The following RRAGD variants were observed in gnomAD, a reference collection of about 807,000 sequenced individuals.
RRAGD encodes the protein ras-related GTP-binding protein D.
A neutral mutation model predicts 35.5 loss-of-function variants in RRAGD; 12 were observed. The ratio of observed to expected loss-of-function variants is 0.34; its 90% CI spans 0.22 to 0.55. The LOEUF is 0.55. RRAGD is among the 20% of genes least tolerant of loss of function. The probability of loss-of-function intolerance (pLI) is 0.91; values close to 1 mark genes in which losing one functional copy is unlikely to be tolerated. For missense variants in RRAGD, 324 were observed against 490.1 expected (o/e 0.66, Z 3.20); for synonymous variants, 155 against 178.9 (o/e 0.87, Z 1.07).
intron 1 of RRAGD, among the ~76,000 whole-genome samples, chr6:89,395,966 T>G (rs1769323820): frequency 1.2e-5 from 1 of 82,202 alleles, no homozygotes; most frequent in African/African-American, 9.1e-5. Flanking sequence ...GACATCCATA[T>G]GCCAAAAAAA....
At chr6:89,398,217 T>C (rs1250790764) in intron 1 of RRAGD, among the ~76,000 whole-genome samples, 2 of 151,910 alleles carry the variant, frequency 1.3e-5, no homozygotes, top group Non-Finnish European at 2.9e-5. Context: ...GGAAGAAGTA[T>C]GGGAAAACGT....
rs896413839 is a variant in RRAGD, at chr6:89,367,368, A to C, written c.*688T>G. ...CTCTCTGTATAAAGTGATTATAGAG[A>C]TGTGTGTTGAGGTAAACAGCTTCAT... On this transcript the variant is annotated 3_prime_UTR_variant, in exon 7 of 7. Coordinates refer to ENST00000369415, the MANE Select transcript of RRAGD (RefSeq NM_021244.5). The C allele has an allele frequency of 6.6e-6, 1 of 152,190 alleles. No individual in the cohort carries two copies. The allele number at this position is 152,190 out of a possible 1,614,324, so 9.4% of individuals were successfully genotyped here.
chr6:89,376,322 T>C (rs2127886165), intron 5 of RRAGD, among the ~76,000 whole-genome samples: 1 of 151,822 alleles, frequency 6.6e-6, no homozygotes, highest in East Asian at 1.9e-4. Flanking sequence ...TGTGTGTGTG[T>C]GTGTGTGTGT....
chr6:89,385,094 T>C (rs1769117944), intron 2 of RRAGD, among the ~76,000 whole-genome samples: 1 of 151,846 alleles, frequency 6.6e-6, no homozygotes, highest in South Asian at 2.1e-4. Flanking sequence ...AGAAACAAAA[T>C]TAAAATAAAA....
At chr6:89,376,250 A>G (rs1768937493) in intron 5 of RRAGD, among the ~76,000 whole-genome samples, 1 of 151,970 alleles carries the variant, frequency 6.6e-6, no homozygotes, top group Non-Finnish European at 1.5e-5. Context: ...GAGCCTAATG[A>G]TATTTCATCC....
chr6:89,381,873 C>T (rs1442341904), intron 2 of RRAGD, among the ~76,000 whole-genome samples: 2 of 152,132 alleles, frequency 1.3e-5, no homozygotes, highest in African/African-American at 2.4e-5. Flanking sequence ...TGAAGGGTGA[C>T]TTGTCAGGTC....
chr6:89,399,388 G>C (rs1432836378), intron 1 of RRAGD, among the ~76,000 whole-genome samples: 5 of 152,180 alleles, frequency 3.3e-5, no homozygotes, highest in African/African-American at 1.2e-4. Flanking sequence ...AGAAAGGGTG[G>C]CCTGGATCAG....
At chr6:89,397,623 ACAAAAAAAAC>A (rs776721853) in intron 1 of RRAGD, among the ~76,000 whole-genome samples, 6,752 of 151,078 alleles carry the variant, frequency 0.045, 235 homozygotes, top group Non-Finnish European at 0.069. Context: ...ACAAAAAAAA[ACAAAAAAAAC>A]CTGTAAACAA....
intron 1 of RRAGD, 90 bp from the exon 2 acceptor site, chr6:89,387,680 G>A: frequency 3.3e-6 from 4 of 1,206,812 alleles, no homozygotes; most frequent in Non-Finnish European, 4.7e-6. Context: ...TGTGATTTAT[G>A]ATTCACAGAT....
intron 1 of RRAGD, among the ~76,000 whole-genome samples, chr6:89,388,519 T>C (rs910936303): frequency 2.0e-5 from 3 of 152,166 alleles, no homozygotes; most frequent in Non-Finnish European, 4.4e-5. Flanking sequence ...ACAATAAAAA[T>C]TTGGGGGTTC....
intron 2 of RRAGD, among the ~76,000 whole-genome samples, chr6:89,382,560 G>C (rs1349657330): frequency 6.6e-6 from 1 of 151,852 alleles, no homozygotes; most frequent in East Asian, 1.9e-4. Context: ...AGGTAACAGA[G>C]TGAGAGCCTG....
intron 6 of RRAGD, among the ~76,000 whole-genome samples, chr6:89,369,084 G>A (rs1298389838): frequency 7.0e-6 from 1 of 141,976 alleles, no homozygotes; most frequent in Non-Finnish European, 1.6e-5. Flanking sequence ...TCCGGCCAAG[G>A]ATTAAATTCT....
intron 1 of RRAGD, among the ~76,000 whole-genome samples, chr6:89,405,783 C>A (rs1582525890): frequency 6.6e-6 from 1 of 151,980 alleles, no homozygotes; most frequent in East Asian, 1.9e-4. Flanking sequence ...AGGAAGAGGC[C>A]CCTGGTGTGT....
chr6:89,372,863 C>T (rs888620837), intron 5 of RRAGD, among the ~76,000 whole-genome samples: 1 of 152,220 alleles, frequency 6.6e-6, no homozygotes. Flanking sequence ...TAGCTCTCCC[C>T]ACCTCCGTGG....
chr6:89,392,146 A>C (rs1677619515), intron 1 of RRAGD, among the ~76,000 whole-genome samples: 1 of 152,070 alleles, frequency 6.6e-6, no homozygotes, highest in African/African-American at 2.4e-5. Flanking sequence ...TATGAAACTC[A>C]AAGAAGGATC....
chr6:89,407,508 G>C (rs1490254887), intron 1 of RRAGD, among the ~76,000 whole-genome samples: 2 of 152,012 alleles, frequency 1.3e-5, no homozygotes, highest in Admixed American at 6.6e-5. Context: ...CATTGTGGTG[G>C]GCACCTGTAA....
At chr6:89,396,436 T>TATTTA (rs1247037467) in intron 1 of RRAGD, among the ~76,000 whole-genome samples, 2 of 152,088 alleles carry the variant, frequency 1.3e-5, no homozygotes, top group African/African-American at 4.8e-5. Context: ...TTTATTTATT[T>TATTTA]ATTTATTTAC....
At chr6:89,390,677 C>A (rs2127892202) in intron 1 of RRAGD, among the ~76,000 whole-genome samples, 1 of 152,278 alleles carries the variant, frequency 6.6e-6, no homozygotes, top group East Asian at 1.9e-4. Flanking sequence ...GCAGGCAGAT[C>A]ACTTGAGGTC....
rs2127900924 is a variant in RRAGD, at chr6:89,411,392, A to G, written c.148+454T>C. 1 of 153,540 alleles carries G rather than the reference A, an allele frequency of 6.5e-6. No homozygotes were observed. Among genetic ancestry groups the G allele is most frequent in the East Asian group, 1.9e-4 (1 of 5,228 alleles). The allele number at this position is 153,540 out of a possible 1,614,324, so 9.5% of individuals were successfully genotyped here. A position where few individuals can be genotyped will look rare whatever the true frequency, so the allele number is the denominator to read the frequency against. ...AGACTGACACCCGCAGCTGCCGACG[A>G]CCCTGCCAGTCACGCCGCCGCCGGC... On this transcript the variant is annotated intron_variant, in intron 1 of 6. Transcript: ENST00000369415. This position sits in a 1 kb window ranked among gnomAD's most constrained non-coding sequence, Gnocchi z 5.6.
Sources: allele counts gnomAD v4.1 joint callset (sites outside exome capture counted in the v4.1 genomes callset), GRCh38; gene constraint gnomAD v4.1.1; non-coding constraint Gnocchi (gnomAD v3.1); transcripts MANE v1.5; gene names NCBI Gene and HGNC (gene_info 2026-07-23, HGNC 2026-07-21).